The following MSANTD3 variants were observed in gnomAD, a reference collection of about 807,000 sequenced individuals.
MSANTD3 encodes the protein Myb/SANT DNA binding domain containing 3.
MSANTD3 carries 11 observed loss-of-function variants against 27.7 expected under a neutral mutation model. The observed-to-expected ratio is 0.40, with a 90% CI of 0.25 to 0.66. The LOEUF is 0.66. Among genes scored for constraint, MSANTD3 ranks in the 30% least tolerant of loss-of-function variants. The pLI, the probability that MSANTD3 is intolerant of heterozygous loss-of-function variation, is 0.41. For missense variants in MSANTD3, 250 were observed against 336.5 expected (o/e 0.74, Z 2.01); for synonymous variants, 131 against 127.2 (o/e 1.03, Z -0.20).
Position 100,451,314 on chromosome 9 carries a change from T to C in MSANTD3, c.*348T>C, listed in dbSNP as rs1482092566. On this transcript the variant is annotated 3_prime_UTR_variant, in exon 3 of 3. Coordinates refer to ENST00000395067, the MANE Select transcript of MSANTD3 (RefSeq NM_080655.3). ...TAAAGGAGTGTGGCTGATTTTTTTT[T>C]TTTTCTTTTTTCTTTTTAAACAGAC... 1.6e-5 allele frequency: 3 copies of C among 184,724 alleles called. No individual in the cohort carries two copies. The highest frequency in any genetic ancestry group is 7.1e-5 in the African/African-American group (3 of 42,430). 11.4% of individuals were successfully genotyped at this position (184,724 alleles called of 1,614,324 possible).
At chr9:100,446,317 C>T (rs1836751017) in intron 2 of MSANTD3, among the ~76,000 whole-genome samples, 1 of 152,196 alleles carries the variant, frequency 6.6e-6, no homozygotes, top group Admixed American at 6.5e-5. Flanking sequence ...ACCCCAGCCT[C>T]ACTGGTCTGT....
Position 100,451,013 on chromosome 9 carries a change from T to C in MSANTD3, c.*47T>C. ...GTAATTAATCTGTGTTGGCAAAGAATGTCTGGAACATGGACTTGGCGGTCA... is the reference window on the plus strand; with the variant it reads ...GTAATTAATCTGTGTTGGCAAAGAACGTCTGGAACATGGACTTGGCGGTCA... On this transcript the variant is annotated 3_prime_UTR_variant, in exon 3 of 3. Coordinates refer to ENST00000395067, the MANE Select transcript of MSANTD3 (RefSeq NM_080655.3). 1 of 1,520,462 alleles carries C rather than the reference T, an allele frequency of 6.6e-7. No homozygotes were observed. Among genetic ancestry groups the C allele is most frequent in the South Asian group, 1.3e-5 (1 of 75,022 alleles). 94.2% of individuals were successfully genotyped at this position (1,520,462 alleles called of 1,614,324 possible). A position where few individuals can be genotyped will look rare whatever the true frequency, so the allele number is the denominator to read the frequency against.
In MSANTD3 at chr9:100,442,355, A is replaced by AGGT. The variant is rs1240148688; in HGVS notation, c.418_418+2dup. The AGGT allele has an allele frequency of 6.2e-7, 1 of 1,608,776 alleles. No individual in the cohort carries two copies. The highest frequency in any genetic ancestry group is 1.7e-5 in the Admixed American group (1 of 59,700). Reference sequence around the variant, plus strand: ...AATACCACCCCGACGCCTCAGCCCAAGGTATCCGTTCCTGATGCCAGTGTG... The same window carrying AGGT: ...AATACCACCCCGACGCCTCAGCCCAAGGTGGTATCCGTTCCTGATGCCAGTGTG... On this transcript the variant is annotated inframe_insertion and splice_region_variant, in exon 2 of 3. Transcript: ENST00000395067.
At chr9:100,432,850 G>A (rs1193709998) in intron 1 of MSANTD3, among the ~76,000 whole-genome samples, 1 of 152,244 alleles carries the variant, frequency 6.6e-6, no homozygotes, top group African/African-American at 2.4e-5. Flanking sequence ...CTTTGGCAGT[G>A]AACTGTGGAA....
Position 100,442,056 on chromosome 9 carries a change from C to A in MSANTD3, c.118C>A (p.Arg40=). ...YVLECKKSDA[R]TIALKQRTWQ... is the part of the protein sequence containing the mutation. ...GCTGGAATGTAAGAAAAGTGATGCG[C>A]GAACTATTGCCCTTAAGCAGCGTAC... The change falls in exon 2 of 3, where the codon CGA becomes AGA. Residue 40 remains arginine, a synonymous_variant. Coordinates refer to ENST00000395067, the MANE Select transcript of MSANTD3 (RefSeq NM_080655.3). 1.2e-6 allele frequency: 2 copies of A among 1,614,190 alleles called. No homozygotes were observed. The highest frequency in any genetic ancestry group is 8.5e-7 in the Non-Finnish European group (1 of 1,180,036).
At chr9:100,446,344 G>T (rs1385249556) in intron 2 of MSANTD3, among the ~76,000 whole-genome samples, 1 of 152,066 alleles carries the variant, frequency 6.6e-6, no homozygotes, top group Admixed American at 6.6e-5. Context: ...CCTTTCTTTT[G>T]TTAGTTACGT....
intron 2 of MSANTD3, chr9:100,448,711 T>A: frequency 2.0e-6 from 2 of 985,296 alleles, no homozygotes; most frequent in South Asian, 9.4e-5. Flanking sequence ...TTTTAACAAG[T>A]GTTCTGCCAG....
At chr9:100,432,675 A>T (rs1836401756) in intron 1 of MSANTD3, among the ~76,000 whole-genome samples, 1 of 152,188 alleles carries the variant, frequency 6.6e-6, no homozygotes, top group Non-Finnish European at 1.5e-5. Flanking sequence ...TTGCCATTTC[A>T]CCTGGAACTG....
intron 2 of MSANTD3, chr9:100,445,337 C>G (rs1197686221): frequency 4.1e-6 from 3 of 740,446 alleles, no homozygotes; most frequent in Non-Finnish European, 6.9e-6. Flanking sequence ...ACTGTGCTGT[C>G]TAATACAGTT....
chr9:100,432,074 G>T (rs1319425125), intron 1 of MSANTD3, among the ~76,000 whole-genome samples: 1 of 152,138 alleles, frequency 6.6e-6, no homozygotes, highest in Non-Finnish European at 1.5e-5. Context: ...GGATGGGAAA[G>T]TGGGGGAGAC....
chr9:100,446,390 TCTC>T (rs895592279), intron 2 of MSANTD3, among the ~76,000 whole-genome samples: 1 of 152,196 alleles, frequency 6.6e-6, no homozygotes, highest in Non-Finnish European at 1.5e-5. Flanking sequence ...TTCATTCTCT[TCTC>T]CTGCATCTGA....
intron 2 of MSANTD3, chr9:100,448,689 G>A: frequency 1.0e-6 from 1 of 985,410 alleles, no homozygotes; most frequent in Non-Finnish European, 1.2e-6. Flanking sequence ...TGAAAGGGAG[G>A]TAAACTGCCA....
intron 2 of MSANTD3, among the ~76,000 whole-genome samples, chr9:100,442,829 A>G (rs1413418958): frequency 6.7e-6 from 1 of 149,784 alleles, no homozygotes. Context: ...AAAAAAAAAA[A>G]GTAATATATA....
chr9:100,450,720 A>G lies in MSANTD3; in HGVS notation c.582A>G (p.Lys194=). Reference sequence around the variant, plus strand: ...AAACCTCTCAGGAAGGTGCTTTAAAAAAGATGCATGAGGAAGAACACCATC... The same window carrying G: ...AAACCTCTCAGGAAGGTGCTTTAAAGAAGATGCATGAGGAAGAACACCATC... ...RSKTSQEGAL[K]KMHEEEHHQQ... The change falls in exon 3 of 3, where the codon AAA becomes AAG. Residue 194 remains lysine, a synonymous_variant. Transcript: ENST00000395067. 1.2e-6 allele frequency: 2 copies of G among 1,614,194 alleles called. No individual in the cohort carries two copies. The highest frequency in any genetic ancestry group is 1.7e-6 in the Non-Finnish European group (2 of 1,180,022).
intron 1 of MSANTD3, among the ~76,000 whole-genome samples, chr9:100,428,245 G>C (rs1836288724): frequency 6.6e-6 from 1 of 152,186 alleles, no homozygotes; most frequent in Admixed American, 6.5e-5. Flanking sequence ...CTGCAGTATC[G>C]AGGAGAGTAG....
chr9:100,449,080 A>C (rs1320744236), intron 2 of MSANTD3: 39 of 985,254 alleles, frequency 4.0e-5, no homozygotes, highest in Non-Finnish European at 4.7e-5. Flanking sequence ...TATGTTAATA[A>C]ATTGGCATTG....
In MSANTD3 at chr9:100,442,032, C is replaced by T. The variant is rs1564249897; in HGVS notation, c.94C>T (p.Leu32=). 17 of 1,614,076 alleles carry T rather than the reference C, an allele frequency of 1.1e-5. No homozygotes were observed. Among genetic ancestry groups the T allele is most frequent in the African/African-American group, 1.3e-5 (1 of 74,906 alleles). ...TTTAGTAGAAAAGTATAAATATGTG[C>T]TGGAATGTAAGAAAAGTGATGCGCG... ...LALVEKYKYV[L]ECKKSDARTI... is the part of the protein sequence containing the mutation. Residue 32 remains leucine, a synonymous_variant, in exon 2 of 3, where the codon CTG becomes TTG. Coordinates refer to ENST00000395067, the MANE Select transcript of MSANTD3 (RefSeq NM_080655.3).
At chr9:100,448,168 G>A in intron 2 of MSANTD3, 2 of 951,286 alleles carry the variant, frequency 2.1e-6, no homozygotes, top group Non-Finnish European at 2.5e-6. Flanking sequence ...TCCAGCCTGG[G>A]TGACAGAATG....
At chr9:100,439,192 CTTGGCGTCAA>C (rs1330289251) in intron 1 of MSANTD3, among the ~76,000 whole-genome samples, 1 of 152,150 alleles carries the variant, frequency 6.6e-6, no homozygotes, top group African/African-American at 2.4e-5. Context: ...GACCACACTC[CTTGGCGTCAA>C]TTTGAAGGGT....
Sources: gnomAD v4.1 joint callset for allele counts (sites outside exome capture counted in the v4.1 genomes callset) on GRCh38, gnomAD v4.1.1 for gene constraint, MANE v1.5 for transcripts, NCBI Gene and HGNC (gene_info 2026-07-23, HGNC 2026-07-21) for gene names.